Variants in ZBTB20 observed in about 807,000 individuals in gnomAD.
ZBTB20 encodes zinc finger and BTB domain containing 20, also known as zinc finger and BTB domain-containing protein 20.
Under a neutral mutation model 56.9 loss-of-function variants are expected in ZBTB20, and 9 were observed. The observed-to-expected ratio is 0.16, with a 90% CI of 0.10 to 0.28. The LOEUF is 0.28. ZBTB20 is among the 10% of genes least tolerant of loss of function. The pLI, the probability that ZBTB20 is intolerant of heterozygous loss-of-function variation, is 1.00. For missense variants in ZBTB20, 655 were observed against 1,003.0 expected, an observed-to-expected ratio of 0.65 and a Z score of 4.69; for synonymous variants, 417 against 420.7, an observed-to-expected ratio of 0.99 and a Z score of 0.11.
In ZBTB20 at chr3:114,713,054, A is replaced by G. The variant is rs555903156; in HGVS notation, c.-342-19479T>C. 1.4e-3 allele frequency among the ~76,000 whole-genome samples: 218 copies of G among 152,344 alleles called. 1 individual carries two copies. Among genetic ancestry groups the G allele is most frequent in the African/African-American group, 5.0e-3 (208 of 41,574 alleles). On this transcript the variant is annotated intron_variant, in intron 5 of 11. Transcript: ENST00000675478. ...AGATAACTAGGCATTACTAGGTTAT[A>G]AGATGATTAAGAATTAATCAGTCTG...
At chr3:114,353,267 A>G (rs1235530412) in intron 10 of ZBTB20, among the ~76,000 whole-genome samples, 1 of 152,194 alleles carries the variant, frequency 6.6e-6, no homozygotes, top group Non-Finnish European at 1.5e-5. Flanking sequence ...GCCACCTGAG[A>G]GGTAACAGCC....
At chr3:114,971,190 G>A (rs955389549) in intron 3 of ZBTB20, among the ~76,000 whole-genome samples, 2 of 151,634 alleles carry the variant, frequency 1.3e-5, no homozygotes, top group African/African-American at 2.4e-5. Context: ...TTATTTTTTC[G>A]GAAGATTCAG....
chr3:114,347,619 C>A (rs1269943048), intron 11 of ZBTB20, among the ~76,000 whole-genome samples: 1 of 152,190 alleles, frequency 6.6e-6, no homozygotes, highest in Non-Finnish European at 1.5e-5. Context: ...ATTATTTCCA[C>A]ATGTTCCGGC....
At chr3:114,734,354 T>C (rs2065980134) in intron 5 of ZBTB20, among the ~76,000 whole-genome samples, 1 of 152,098 alleles carries the variant, frequency 6.6e-6, no homozygotes, top group African/African-American at 2.4e-5. Flanking sequence ...TGCAGGCCTC[T>C]AATTAAGGCT....
intron 5 of ZBTB20, among the ~76,000 whole-genome samples, chr3:114,770,255 A>G (rs778349417): frequency 1.3e-5 from 2 of 151,994 alleles, no homozygotes; most frequent in Non-Finnish European, 2.9e-5. Flanking sequence ...CCTGGCCAAC[A>G]TGGTGAAACC....
intron 1 of ZBTB20, among the ~76,000 whole-genome samples, chr3:115,105,135 C>A (rs2108614047): frequency 1.3e-5 from 2 of 151,528 alleles, no homozygotes; most frequent in South Asian, 4.1e-4. Context: ...GTTTCAGTTT[C>A]TTCCTATGCT....
At chr3:114,993,451 CT>C (rs1400214759) in intron 2 of ZBTB20, among the ~76,000 whole-genome samples, 1 of 151,656 alleles carries the variant, frequency 6.6e-6, no homozygotes, top group South Asian at 2.1e-4. Flanking sequence ...AAAACTTCAC[CT>C]TTTGAAAATT....
intron 10 of ZBTB20, among the ~76,000 whole-genome samples, chr3:114,368,085 G>A (rs180960890): frequency 2.0e-5 from 3 of 152,244 alleles, no homozygotes; most frequent in Admixed American, 6.5e-5. Flanking sequence ...TTCACGGAGC[G>A]CTGGCTGTTT....
At chr3:114,871,313 T>C (rs1223142265) in intron 4 of ZBTB20, among the ~76,000 whole-genome samples, 2 of 152,144 alleles carry the variant, frequency 1.3e-5, no homozygotes, top group Non-Finnish European at 2.9e-5. Context: ...CATGGATAGA[T>C]GTTCACCCCC....
At chr3:114,868,306 T>TC (rs1576169144) in intron 4 of ZBTB20, among the ~76,000 whole-genome samples, 1 of 152,076 alleles carries the variant, frequency 6.6e-6, no homozygotes, top group Non-Finnish European at 1.5e-5. Flanking sequence ...ACCTGCTCCT[T>TC]CCCCAAGCGG....
intron 1 of ZBTB20, among the ~76,000 whole-genome samples, chr3:115,090,144 C>G (rs906422478): frequency 6.6e-6 from 1 of 151,820 alleles, no homozygotes; most frequent in East Asian, 1.9e-4. Flanking sequence ...ATTTTAAAAG[C>G]CCTTGGCTGA....
intron 3 of ZBTB20, among the ~76,000 whole-genome samples, chr3:114,913,280 C>T (rs372176435): frequency 2.0e-5 from 3 of 151,948 alleles, no homozygotes; most frequent in South Asian, 2.1e-4. Flanking sequence ...GTCATTTTAA[C>T]GGGAGTTAGA....
intron 11 of ZBTB20, among the ~76,000 whole-genome samples, chr3:114,350,039 C>T (rs550785666): frequency 9.2e-5 from 14 of 152,128 alleles, no homozygotes; most frequent in Admixed American, 3.3e-4. Flanking sequence ...GTCTGGACAT[C>T]CCTAGGACAT....
chr3:114,682,677 G>A (rs2062054561), intron 6 of ZBTB20, among the ~76,000 whole-genome samples: 1 of 152,116 alleles, frequency 6.6e-6, no homozygotes, highest in South Asian at 2.1e-4. Context: ...AACTCATCAG[G>A]CTTCTTAAGT....
At chr3:114,488,123 C>A (rs1212756596) in intron 7 of ZBTB20, among the ~76,000 whole-genome samples, 1 of 152,108 alleles carries the variant, frequency 6.6e-6, no homozygotes, top group African/African-American at 2.4e-5. Flanking sequence ...GAATACTTAC[C>A]ACCTCCCAAC....
intron 2 of ZBTB20, among the ~76,000 whole-genome samples, chr3:115,023,858 A>G (rs984440517): frequency 8.6e-5 from 13 of 151,098 alleles, no homozygotes; most frequent in Non-Finnish European, 3.0e-5. Flanking sequence ...TCCAAGCATA[A>G]CTAGTTCAAT....
intron 1 of ZBTB20, among the ~76,000 whole-genome samples, chr3:115,108,158 A>G (rs1245797435): frequency 2.6e-5 from 4 of 151,270 alleles, no homozygotes; most frequent in African/African-American, 9.8e-5. Context: ...AAAAAAAAAG[A>G]TATTCCCATA....
intron 6 of ZBTB20, among the ~76,000 whole-genome samples, chr3:114,689,818 A>G (rs1433913748): frequency 6.6e-6 from 1 of 152,152 alleles, no homozygotes; most frequent in Non-Finnish European, 1.5e-5. Context: ...TAAGAACAGG[A>G]TGCTGAAAAA....
chr3:115,051,717 T>A (rs1211915581), intron 2 of ZBTB20, among the ~76,000 whole-genome samples: 3 of 152,162 alleles, frequency 2.0e-5, no homozygotes, highest in Non-Finnish European at 4.4e-5. Context: ...TATCATAAAT[T>A]TAGAATTATA....
Sources: gnomAD v4.1 joint callset for allele counts (sites outside exome capture counted in the v4.1 genomes callset) on GRCh38, gnomAD v4.1.1 for gene constraint, MANE v1.5 for transcripts, NCBI Gene and HGNC (gene_info 2026-07-23, HGNC 2026-07-21) for gene names.